Variants in ATP8B4 observed in about 807,000 individuals in gnomAD.
ATP8B4 encodes probable phospholipid-transporting ATPase IM.
ATP8B4 carries 133 observed loss-of-function variants against 145.6 expected under a neutral mutation model. The observed-to-expected ratio is 0.91, with a 90% CI of 0.79 to 1.05. ATP8B4 has a LOEUF of 1.05. Among genes scored for constraint, ATP8B4 ranks in the 50% least tolerant of loss-of-function variants. ATP8B4 has a pLI of 0.00. For synonymous variants in ATP8B4, 507 were observed against 492.9 expected (o/e 1.03, Z -0.38); for missense variants, 1,458 against 1,425.2 (o/e 1.02, Z -0.37).
chr15:49,961,533 C>T (rs189391501), intron 14 of ATP8B4, among the ~76,000 whole-genome samples: 1 of 152,148 alleles, frequency 6.6e-6, no homozygotes, highest in East Asian at 1.9e-4. Flanking sequence ...TATTGAAAAT[C>T]CTAAATGTCC....
intron 12 of ATP8B4, among the ~76,000 whole-genome samples, chr15:49,976,524 G>T (rs947830584): frequency 6.6e-6 from 1 of 152,006 alleles, no homozygotes; most frequent in African/African-American, 2.4e-5. Flanking sequence ...CAGGGATTTG[G>T]GAAAGCCAGT....
At chr15:50,054,132 C>T (rs1286273228) in intron 3 of ATP8B4, among the ~76,000 whole-genome samples, 1 of 152,178 alleles carries the variant, frequency 6.6e-6, no homozygotes, top group Non-Finnish European at 1.5e-5. Context: ...GTCAGGATAA[C>T]CAGCTATGCT....
In ATP8B4 at chr15:49,878,981, G is replaced by A. The variant is rs550165812; in HGVS notation, c.2781+395C>T. ...TCAGAGGCTAAGGCAGCATTTCCCC[G>A]TGTGTGAACCACAGACACTAGTTCT... On this transcript the variant is annotated intron_variant, in intron 24 of 27. Coordinates refer to ENST00000284509, the MANE Select transcript of ATP8B4 (RefSeq NM_024837.4). Among the ~76,000 whole-genome samples the A allele has an allele frequency of 2.8e-3, 425 of 152,272 alleles. 2 individuals carry two copies. Among genetic ancestry groups the A allele is most frequent in the Non-Finnish European group, 4.8e-3 (324 of 68,018 alleles).
intron 25 of ATP8B4, among the ~76,000 whole-genome samples, chr15:49,871,671 C>T (rs192876754): frequency 1.2e-4 from 18 of 152,316 alleles, no homozygotes; most frequent in African/African-American, 4.1e-4. Flanking sequence ...CAACCTCTCT[C>T]CTCATATCCC....
chr15:49,894,490 C>T (rs1451117762), intron 23 of ATP8B4, among the ~76,000 whole-genome samples: 2 of 152,128 alleles, frequency 1.3e-5, no homozygotes, highest in African/African-American at 2.4e-5. Flanking sequence ...AGACAAGAAC[C>T]AGCCAAAACA....
chr15:49,925,769 T>C (rs1176518202), intron 16 of ATP8B4, among the ~76,000 whole-genome samples: 1 of 152,210 alleles, frequency 6.6e-6, no homozygotes, highest in Admixed American at 6.5e-5. Flanking sequence ...CATGGAATCC[T>C]GCTTATGTTT....
intron 12 of ATP8B4, among the ~76,000 whole-genome samples, chr15:49,975,309 T>C (rs998655447): frequency 6.6e-6 from 1 of 152,140 alleles, no homozygotes; most frequent in African/African-American, 2.4e-5. Context: ...CATAGTCTTA[T>C]AGATTTGTTC....
At chr15:49,981,346 C>T in intron 10 of ATP8B4, 52 bp from the exon 11 acceptor site, 1 of 1,319,696 alleles carries the variant, frequency 7.6e-7, no homozygotes, top group East Asian at 2.3e-5. Flanking sequence ...ATTATGTATT[C>T]TTATTAATGC....
chr15:50,084,652 T>C (rs2054775935), intron 2 of ATP8B4, among the ~76,000 whole-genome samples: 2 of 152,156 alleles, frequency 1.3e-5, no homozygotes, highest in Admixed American at 6.5e-5. Flanking sequence ...AAGTCAGCAG[T>C]CTGAAAAAGG....
At chr15:50,115,046 G>A (rs1202597848) in intron 1 of ATP8B4, among the ~76,000 whole-genome samples, 1 of 152,210 alleles carries the variant, frequency 6.6e-6, no homozygotes, top group African/African-American at 2.4e-5. Context: ...AATCGTGAGT[G>A]TAGGCCAGAC....
chr15:50,072,980 CTA>C (rs374525582), intron 3 of ATP8B4, among the ~76,000 whole-genome samples: 343 of 22,762 alleles, frequency 0.015, 2 homozygotes, highest in Middle Eastern at 0.077. Flanking sequence ...CTCTCTCTCT[CTA>C]TATATATATA....
chr15:49,929,501 C>CG (rs1483909778), intron 16 of ATP8B4, among the ~76,000 whole-genome samples: 1 of 152,008 alleles, frequency 6.6e-6, no homozygotes, highest in Non-Finnish European at 1.5e-5. Context: ...CAGGACATAA[C>CG]GGAAGCTGAA....
chr15:50,093,349 A>G lies in ATP8B4; in HGVS notation c.28+13590T>C, dbSNP rs187586421. Among the ~76,000 whole-genome samples, 9 of 152,226 alleles carry G rather than the reference A, an allele frequency of 5.9e-5. No homozygotes were observed. In the East Asian group the frequency reaches 1.7e-3, roughly 29 times the overall value. On this transcript the variant is annotated intron_variant, in intron 2 of 27. Coordinates refer to ENST00000284509, the MANE Select transcript of ATP8B4 (RefSeq NM_024837.4). Reference sequence around the variant, plus strand: ...TATTACTGTTGCACTGCTGGTTTTAAAATGTACCAAGAATTAAATACATGG... The same window carrying G: ...TATTACTGTTGCACTGCTGGTTTTAGAATGTACCAAGAATTAAATACATGG...
chr15:49,974,700 C>T (rs2045517925), intron 12 of ATP8B4, among the ~76,000 whole-genome samples: 1 of 151,812 alleles, frequency 6.6e-6, no homozygotes, highest in South Asian at 2.1e-4. Flanking sequence ...TGATATTTTC[C>T]TTATTTAATT....
intron 1 of ATP8B4, among the ~76,000 whole-genome samples, chr15:50,152,988 C>G (rs1178135012): frequency 6.6e-6 from 1 of 152,150 alleles, no homozygotes; most frequent in Admixed American, 6.5e-5. Context: ...ATGAAAAGGA[C>G]ATTGCATTTA....
chr15:50,069,667 G>A (rs1249214680), intron 3 of ATP8B4, among the ~76,000 whole-genome samples: 1 of 152,046 alleles, frequency 6.6e-6, no homozygotes, highest in African/African-American at 2.4e-5. Context: ...GGTTTGTTTT[G>A]TTGTTGTTGT....
chr15:50,035,956 C>T (rs550199941), intron 6 of ATP8B4, among the ~76,000 whole-genome samples: 37 of 152,308 alleles, frequency 2.4e-4, no homozygotes, highest in African/African-American at 7.0e-4. Context: ...TGACACCCAC[C>T]CCAGCAACTC....
chr15:50,015,604 C>A (rs1269108680), intron 6 of ATP8B4, among the ~76,000 whole-genome samples: 1 of 152,176 alleles, frequency 6.6e-6, no homozygotes, highest in Non-Finnish European at 1.5e-5. Context: ...GCATTTAAAA[C>A]CAGTTGATCC....
intron 14 of ATP8B4, among the ~76,000 whole-genome samples, chr15:49,961,566 T>C (rs577075454): frequency 6.6e-6 from 1 of 152,294 alleles, no homozygotes; most frequent in Non-Finnish European, 1.5e-5. Context: ...TCATATAAAT[T>C]TTGGAACATC....
Sources: gnomAD v4.1 joint callset for allele counts (sites outside exome capture counted in the v4.1 genomes callset) on GRCh38, gnomAD v4.1.1 for gene constraint, MANE v1.5 for transcripts, NCBI Gene and HGNC (gene_info 2026-07-23, HGNC 2026-07-21) for gene names.